The following RP1 variants were observed in gnomAD, a reference collection of about 807,000 sequenced individuals.
The protein encoded by RP1 is oxygen-regulated protein 1.
RP1 carries 16 observed loss-of-function variants against 14.8 expected under a neutral mutation model. The ratio of observed to expected loss-of-function variants is 1.08; its 90% CI spans 0.73 to 1.65. RP1 has a LOEUF of 1.65. Among genes scored for constraint, RP1 ranks in the 40% most tolerant of loss-of-function variants. The probability of loss-of-function intolerance (pLI) is 0.00; values close to 1 mark genes in which losing one functional copy is unlikely to be tolerated. For missense variants in RP1, 2,631 were observed against 2,535.0 expected, an observed-to-expected ratio of 1.04 and a Z score of -0.81; for synonymous variants, 876 against 883.6, an observed-to-expected ratio of 0.99 and a Z score of 0.15.
chr8:54,659,487 C>T (rs1395468681), intron 6 of RP1, among the ~76,000 whole-genome samples: 1 of 152,182 alleles, frequency 6.6e-6, no homozygotes, highest in Non-Finnish European at 1.5e-5. Flanking sequence ...ATCGACGAGA[C>T]TGTCTTCCTC....
intron 12 of RP1, chr8:54,679,937 A>G: frequency 6.5e-7 from 1 of 1,535,804 alleles, no homozygotes; most frequent in Non-Finnish European, 8.7e-7. Context: ...AAATATGGTA[A>G]AACTATCGTA....
intron 15 of RP1, among the ~76,000 whole-genome samples, chr8:54,709,600 G>T (rs1159763344): frequency 6.6e-6 from 1 of 152,148 alleles, no homozygotes; most frequent in Non-Finnish European, 1.5e-5. Flanking sequence ...GATTGATAAA[G>T]GTGAAAGAGC....
At chr8:54,659,031 C>T (rs1806819898) in intron 6 of RP1, among the ~76,000 whole-genome samples, 1 of 152,016 alleles carries the variant, frequency 6.6e-6, no homozygotes, top group African/African-American at 2.4e-5. Flanking sequence ...GATGAATTGT[C>T]TATTCAAGCT....
chr8:54,650,061 T>C (rs1415744598), intron 4 of RP1, among the ~76,000 whole-genome samples: 1 of 152,254 alleles, frequency 6.6e-6, no homozygotes, highest in Non-Finnish European at 1.5e-5. Flanking sequence ...TAGTGTTTCA[T>C]GTTTTCTTTT....
chr8:54,772,888 T>TTCA (rs1809944532), downstream of RP1, among the ~76,000 whole-genome samples: 1 of 152,238 alleles, frequency 6.6e-6, no homozygotes, highest in African/African-American at 2.4e-5. Context: ...CTTTTAGCCT[T>TTCA]GTTTCAGGTC....
intron 27 of RP1, chr8:54,865,832 C>G: frequency 8.5e-7 from 1 of 1,176,000 alleles, no homozygotes; most frequent in Non-Finnish European, 1.1e-6. Flanking sequence ...TCAACTGACA[C>G]AGGTAATGGA....
exon 25 of RP1, chr8:54,837,559 C>A (rs1811690013): frequency 8.1e-7 from 1 of 1,231,290 alleles, no homozygotes; most frequent in Non-Finnish European, 1.0e-6. Flanking sequence ...AATATAGCCA[C>A]ATATGAGCTA....
Position 54,629,597 on chromosome 8 carries a change from C to T in RP1, c.5715C>T (p.Asp1905=). The change falls in exon 4 of 4, where the codon GAC becomes GAT. Residue 1905 remains aspartate, a synonymous_variant. Coordinates refer to ENST00000220676, the MANE Select transcript of RP1 (RefSeq NM_006269.2). The part of the protein sequence containing the change: ...NMIHGTLQEA[D]SLDKLYALCG... ...TTCATGGTACACTTCAGGAAGCTGA[C>T]TCTTTGGATAAACTGTATGCTCTTT... 1 of 1,613,978 alleles carries T rather than the reference C, an allele frequency of 6.2e-7. No homozygotes were observed. The highest frequency in any genetic ancestry group is 1.1e-5 in the South Asian group (1 of 91,078).
chr8:54,567,802 A>G (rs1426940301), intron 1 of RP1, among the ~76,000 whole-genome samples: 1 of 152,202 alleles, frequency 6.6e-6, no homozygotes, highest in African/African-American at 2.4e-5. Context: ...GGCTTTGCCT[A>G]TACATCCAAA....
intron 25 of RP1, chr8:54,837,718 T>C (rs1264427602): frequency 9.3e-7 from 1 of 1,071,250 alleles, no homozygotes; most frequent in African/African-American, 1.6e-5. Context: ...TTAAAATAAT[T>C]GAGATGATTT....
At chr8:54,609,398 G>A (rs187985524) in intron 1 of RP1, among the ~76,000 whole-genome samples, 12 of 152,222 alleles carry the variant, frequency 7.9e-5, no homozygotes, top group Admixed American at 4.6e-4. Flanking sequence ...AGGCTGCAAT[G>A]AGCCATGATT....
chr8:54,656,697 T>G (rs1806761538), intron 6 of RP1, among the ~76,000 whole-genome samples: 2 of 151,470 alleles, frequency 1.3e-5, no homozygotes, highest in Admixed American at 1.3e-4. Context: ...TAGGCTCTTG[T>G]TCTACTCAGG....
At chr8:54,772,884 G>A (rs150885655), downstream of RP1, among the ~76,000 whole-genome samples, 324 of 152,208 alleles carry the variant, frequency 2.1e-3, 2 homozygotes, top group African/African-American at 5.5e-3. Context: ...TTAGCTTTTA[G>A]CCTTGTTTCA....
chr8:54,780,420 G>C (rs557114123), intron 23 of RP1, among the ~76,000 whole-genome samples: 1 of 152,162 alleles, frequency 6.6e-6, no homozygotes, highest in Admixed American at 6.6e-5. Flanking sequence ...AGAGTCTCTC[G>C]AATGTTAAAC....
intron 3 of RP1, 150 bp from the exon 4 acceptor site, chr8:54,624,520 T>C (rs946623899): frequency 3.8e-5 from 27 of 711,824 alleles, no homozygotes; most frequent in Non-Finnish European, 5.9e-5. Context: ...CATTTTACTA[T>C]GAAATACAGA....
intron 24 of RP1, among the ~76,000 whole-genome samples, chr8:54,831,563 CT>C (rs1197311481): frequency 3.3e-5 from 5 of 151,488 alleles, no homozygotes; most frequent in Non-Finnish European, 7.4e-5. Context: ...CCTTCAACCC[CT>C]TATGCTATTA....
At chr8:54,813,451 C>A (rs1184964108) in intron 24 of RP1, among the ~76,000 whole-genome samples, 1 of 152,144 alleles carries the variant, frequency 6.6e-6, no homozygotes, top group Non-Finnish European at 1.5e-5. Flanking sequence ...AAAAGCAGGC[C>A]ATTGCCCAGA....
chr8:54,712,886 A>G (rs1808323352), intron 15 of RP1, among the ~76,000 whole-genome samples: 1 of 152,142 alleles, frequency 6.6e-6, no homozygotes, highest in Non-Finnish European at 1.5e-5. Flanking sequence ...GAATGACATT[A>G]CCCTTGAAAA....
intron 23 of RP1, among the ~76,000 whole-genome samples, chr8:54,775,913 G>T (rs188572035): frequency 3.0e-4 from 45 of 152,310 alleles, no homozygotes; most frequent in African/African-American, 1.1e-3. Context: ...TGCTTAGGAT[G>T]TTGGGACACA....
Sources: allele counts gnomAD v4.1 joint callset (sites outside exome capture counted in the v4.1 genomes callset), GRCh38; gene constraint gnomAD v4.1.1; transcripts MANE v1.5; gene names NCBI Gene and HGNC (gene_info 2026-07-23, HGNC 2026-07-21).